CABYR: variants seen among roughly 807,000 people sequenced by gnomAD.
CABYR encodes calcium binding tyrosine phosphorylation regulated, also known as calcium-binding tyrosine phosphorylation-regulated protein.
Under a neutral mutation model 36.1 loss-of-function variants are expected in CABYR, and 31 were observed. The ratio of observed to expected loss-of-function variants is 0.86; its 90% CI spans 0.64 to 1.16. The LOEUF (loss-of-function observed/expected upper bound fraction) is 1.16, where lower values mean the gene tolerates loss of function less well. Among genes scored for constraint, CABYR ranks in the 50% most tolerant of loss-of-function variants. The pLI, the probability that CABYR is intolerant of heterozygous loss-of-function variation, is 0.00. For synonymous variants in CABYR, 146 were observed against 160.7 expected (o/e 0.91, Z 0.69); for missense variants, 429 against 455.8 (o/e 0.94, Z 0.53).
chr18:24,147,371 A>G (rs923289831), intron 3 of CABYR, among the ~76,000 whole-genome samples: 5 of 152,166 alleles, frequency 3.3e-5, no homozygotes, highest in African/African-American at 7.2e-5. Context: ...ATTGTACCCA[A>G]TGGTGAATAT....
At position 24,161,465 on chromosome 18, in the gene CABYR, C is replaced by T. The variant is rs59210318; in HGVS notation, c.*-51C>T. ...TAATCTTCTGCTCATTTCACATGTT[C>T]GGTTTCATGTTTAACTTTAAACAAT... On this transcript the variant is annotated intron_variant, in intron 5 of 5. Coordinates refer to ENST00000399496, the MANE Select transcript of CABYR (RefSeq NM_153769.3). The T allele has an allele frequency of 7.5e-3, 5,794 of 776,616 alleles. 170 individuals are homozygous for T. Among genetic ancestry groups the T allele is most frequent in the African/African-American group, 0.072 (4,229 of 59,104 alleles). 48.1% of individuals were successfully genotyped at this position (776,616 alleles called of 1,614,324 possible).
intron 3 of CABYR, chr18:24,148,440 C>T (rs375316452): frequency 2.6e-5 from 4 of 152,180 alleles, no homozygotes; most frequent in Non-Finnish European, 5.9e-5. Flanking sequence ...TGCTATTCCA[C>T]CCACCCTGCT....
At chr18:24,149,110 C>A (rs2085536251) in intron 3 of CABYR, among the ~76,000 whole-genome samples, 1 of 151,756 alleles carries the variant, frequency 6.6e-6, no homozygotes, top group South Asian at 2.1e-4. Flanking sequence ...TAGATAGATA[C>A]AGAGTGTGGA....
chr18:24,143,958 C>T (rs144586680), intron 3 of CABYR, among the ~76,000 whole-genome samples: 2,276 of 151,688 alleles, frequency 0.015, 63 homozygotes, highest in African/African-American at 0.051. Context: ...AGTGCAGTGG[C>T]GTGATCTTGG....
At position 24,160,009 on chromosome 18, in the gene CABYR, T is replaced by C. The variant is rs1456633537; in HGVS notation, c.1079T>C (p.Ile360Thr). 6.2e-7 allele frequency: 1 copy of C among 1,614,060 alleles called. No individual in the cohort carries two copies. The highest frequency in any genetic ancestry group is 8.5e-7 in the Non-Finnish European group (1 of 1,180,048). ...TGTGCTCCCTTTGGAAGTTACGGTA[T>C]TGCTGGGGAGGTAACCGTGACTACT... ...DKCAPFGSYG[I>T]AGEVTVTTAH... is the part of the protein sequence containing the mutation. Residue 360 changes from isoleucine (I) to threonine (T), a missense_variant, in exon 5 of 6, where the codon ATT (isoleucine) becomes ACT (threonine). Transcript: ENST00000399496.
intron 4 of CABYR, among the ~76,000 whole-genome samples, chr18:24,157,289 G>T (rs1567903361): frequency 6.6e-6 from 1 of 152,052 alleles, no homozygotes; most frequent in Non-Finnish European, 1.5e-5. Flanking sequence ...CCTGTTGTCA[G>T]GTACAAAATA....
chr18:24,142,362 G>A (rs1289114132), intron 1 of CABYR, among the ~76,000 whole-genome samples: 21 of 124,262 alleles, frequency 1.7e-4, no homozygotes. Context: ...AGAAAAATAA[G>A]GAAAAACATT....
chr18:24,143,898 GTTT>G (rs869093855), intron 3 of CABYR, among the ~76,000 whole-genome samples: 1 of 143,532 alleles, frequency 7.0e-6, no homozygotes, highest in African/African-American at 2.6e-5. Context: ...TTGTTGGAAG[GTTT>G]TTTTTTTTTC....
At chr18:24,147,977 C>T (rs1451009179) in intron 3 of CABYR, among the ~76,000 whole-genome samples, 1 of 152,162 alleles carries the variant, frequency 6.6e-6, no homozygotes. Context: ...TCTGCTGTGT[C>T]ATTCTTAGGA....
intron 3 of CABYR, among the ~76,000 whole-genome samples, chr18:24,154,099 T>C (rs1390057116): frequency 1.7e-4 from 2 of 11,756 alleles, no homozygotes; most frequent in Non-Finnish European, 3.6e-4. Flanking sequence ...CAAGACTCCA[T>C]CTCAAAAAAA....
chr18:24,149,672 C>T (rs957258577), intron 3 of CABYR, among the ~76,000 whole-genome samples: 4 of 152,214 alleles, frequency 2.6e-5, no homozygotes, highest in Admixed American at 1.3e-4. Flanking sequence ...TCAGGCATGG[C>T]GGGCTGCAGG....
chr18:24,156,683 T>TAC (rs1567902426), intron 4 of CABYR: 1 of 1,614,128 alleles, frequency 6.2e-7, no homozygotes, highest in East Asian at 2.2e-5. Context: ...CTTTGAAAGG[T>TAC]CAGCCTGAGG....
At chr18:24,160,759 G>A (rs2085948411) in intron 5 of CABYR, 1 of 152,432 alleles carries the variant, frequency 6.6e-6, no homozygotes, top group African/African-American at 2.4e-5. Flanking sequence ...GAGAAAACAG[G>A]GTGCTGACAC....
intron 3 of CABYR, among the ~76,000 whole-genome samples, chr18:24,151,210 T>A (rs1362809035): frequency 6.6e-6 from 1 of 152,238 alleles, no homozygotes; most frequent in Non-Finnish European, 1.5e-5. Context: ...TATCTCTTTA[T>A]CTTACTGGTT....
Position 24,159,975 on chromosome 18 carries a change from G to A in CABYR, c.1045G>A (p.Gly349Ser), listed in dbSNP as rs997624391. 1 of 1,614,124 alleles carries A rather than the reference G, an allele frequency of 6.2e-7. No homozygotes were observed. The highest frequency in any genetic ancestry group is 2.2e-5 in the East Asian group (1 of 44,888). Residue 349 changes from glycine (G) to serine (S), a missense_variant, in exon 5 of 6, where the codon GGT becomes AGT. Physicochemically the swap from Gly to Ser is moderately conservative, Grantham distance 56 (BLOSUM62 0). Transcript: ENST00000399496. ...TGTAGCTAAAAAAAGTTCAGGATCT[G>A]GTGACAAATGTGCTCCCTTTGGAAG... Reference protein sequence around the residue: ...EDVAKKSSGSGDKCAPFGSYG... With the variant: ...EDVAKKSSGSSDKCAPFGSYG...
At chr18:24,158,590 T>C (rs2085859365) in intron 4 of CABYR, among the ~76,000 whole-genome samples, 2 of 152,174 alleles carry the variant, frequency 1.3e-5, no homozygotes, top group South Asian at 4.1e-4. Flanking sequence ...AGTGCTGGGA[T>C]TACAGGCGTG....
At chr18:24,160,101 C>A in intron 5 of CABYR, 32 bp downstream of exon 5, 1 of 1,406,144 alleles carries the variant, frequency 7.1e-7, no homozygotes, top group Non-Finnish European at 9.8e-7. Flanking sequence ...AATATTTAGG[C>A]CTTAACACAC....
At chr18:24,153,610 G>T (rs371809920) in intron 3 of CABYR, among the ~76,000 whole-genome samples, 46 of 152,162 alleles carry the variant, frequency 3.0e-4, no homozygotes, top group South Asian at 8.3e-4. Context: ...TTTCTCCCTG[G>T]AGGGGCTGGT....
chr18:24,154,102 C>CTCA (rs751176206), intron 3 of CABYR, among the ~76,000 whole-genome samples: 1 of 57,422 alleles, frequency 1.7e-5, no homozygotes, highest in Middle Eastern at 0.015. Flanking sequence ...GACTCCATCT[C>CTCA]AAAAAAAAAA....
Sources: gnomAD v4.1 joint callset for allele counts (sites outside exome capture counted in the v4.1 genomes callset) on GRCh38, gnomAD v4.1.1 for gene constraint, MANE v1.5 for transcripts, NCBI Gene and HGNC (gene_info 2026-07-23, HGNC 2026-07-21) for gene names.